SCAPER: variants seen among roughly 807,000 people sequenced by gnomAD.
SCAPER encodes the protein S-phase cyclin A associated protein in the ER.
SCAPER carries 98 observed loss-of-function variants against 182.2 expected under a neutral mutation model. The observed-to-expected ratio is 0.54, with a 90% CI of 0.46 to 0.64. SCAPER has a LOEUF of 0.64. SCAPER is among the 30% of genes least tolerant of loss of function. The pLI is 0.00. For missense variants in SCAPER, 1,432 were observed against 1,690.0 expected, an observed-to-expected ratio of 0.85 and a Z score of 2.68; for synonymous variants, 605 against 564.6, an observed-to-expected ratio of 1.07 and a Z score of -1.01.
In SCAPER at chr15:76,800,325, C is replaced by T. The variant is rs368688194; in HGVS notation, c.534G>A (p.Pro178=). Residue 178 remains proline (P), a synonymous_variant, in exon 7 of 32, where the codon CCG becomes CCA. Transcript: ENST00000563290. ...SLAWEVKKMS[P]GRHVIPSPST... is the part of the protein sequence containing the mutation. ...ATGGACTTGGAATCACATGGCGTCC[C>T]GGAGACATCTTCTTTACTTCCCATG... The T allele has an allele frequency of 5.0e-6, 8 of 1,613,074 alleles. No homozygotes were observed. The highest frequency in any genetic ancestry group is 4.0e-5 in the African/African-American group (3 of 74,958).
chr15:76,469,185 T>C (rs1001712958), intron 25 of SCAPER, among the ~76,000 whole-genome samples: 1 of 152,224 alleles, frequency 6.6e-6, no homozygotes, highest in Non-Finnish European at 1.5e-5. Context: ...TTCTCTTTCA[T>C]TACTTGTTCT....
At chr15:76,568,224 T>TATAC (rs1246463146) in intron 23 of SCAPER, among the ~76,000 whole-genome samples, 15 of 142,846 alleles carry the variant, frequency 1.1e-4, no homozygotes, top group African/African-American at 3.7e-4. Context: ...TATATATATA[T>TATAC]ACAAATGGGA....
Position 76,771,854 on chromosome 15 carries a change from C to T in SCAPER, c.1136G>A (p.Cys379Tyr), listed in dbSNP as rs1171060155. The change falls in exon 10 of 32, where the codon TGT becomes TAT. Residue 379 changes from cysteine to tyrosine, a missense_variant. By Grantham distance (194) the Cys-to-Tyr change is radical. Transcript: ENST00000563290. ...EISAVHIDTE[C>Y]VSVMLQAGTP... is the part of the protein sequence containing the mutation. The stretch of plus-strand genomic sequence containing the variant: ...ACCAGCTTGCAGCATAACTGAAACA[C>T]ACTCTGTATCAATGTGGACAGCAGA... 1 of 1,612,976 alleles carries T rather than the reference C, an allele frequency of 6.2e-7. No homozygotes were observed. Among genetic ancestry groups the T allele is most frequent in the Non-Finnish European group, 8.5e-7 (1 of 1,179,204 alleles).
intron 14 of SCAPER, among the ~76,000 whole-genome samples, chr15:76,758,295 T>C (rs1478613369): frequency 6.6e-6 from 1 of 152,186 alleles, no homozygotes; most frequent in African/African-American, 2.4e-5. Flanking sequence ...TTTCAATCTT[T>C]TTCACGTGGA....
At chr15:76,673,339 T>C (rs1243159836) in intron 20 of SCAPER, among the ~76,000 whole-genome samples, 1 of 152,080 alleles carries the variant, frequency 6.6e-6, no homozygotes, top group Admixed American at 6.5e-5. Context: ...CAGTATATAA[T>C]GCTGGTGTCT....
chr15:76,485,326 A>G (rs1441207344), intron 24 of SCAPER, among the ~76,000 whole-genome samples: 1 of 152,216 alleles, frequency 6.6e-6, no homozygotes, highest in African/African-American at 2.4e-5. Context: ...ACAGCTAACT[A>G]GGGAGGTAAA....
intron 24 of SCAPER, among the ~76,000 whole-genome samples, chr15:76,488,366 A>G (rs2051871234): frequency 6.6e-6 from 1 of 152,182 alleles, no homozygotes; most frequent in Non-Finnish European, 1.5e-5. Flanking sequence ...ACAATACATA[A>G]CAGTTTCATA....
At chr15:76,714,264 T>C (rs1372022900) in intron 17 of SCAPER, among the ~76,000 whole-genome samples, 2 of 152,160 alleles carry the variant, frequency 1.3e-5, no homozygotes, top group Non-Finnish European at 2.9e-5. Context: ...AGTTTCACAA[T>C]GGTTACATAT....
intron 23 of SCAPER, among the ~76,000 whole-genome samples, chr15:76,529,337 T>C (rs553668621): frequency 6.6e-6 from 1 of 152,280 alleles, no homozygotes; most frequent in East Asian, 1.9e-4. Context: ...TGAGCCACCA[T>C]TCCCCGCCAG....
At chr15:76,522,238 A>G (rs1326156721) in intron 23 of SCAPER, among the ~76,000 whole-genome samples, 1 of 152,146 alleles carries the variant, frequency 6.6e-6, no homozygotes, top group African/African-American at 2.4e-5. Context: ...GAGAATAATA[A>G]TTTAGGTCAA....
At chr15:76,421,305 T>G (rs1422909009) in intron 26 of SCAPER, among the ~76,000 whole-genome samples, 1 of 152,238 alleles carries the variant, frequency 6.6e-6, no homozygotes, top group Non-Finnish European at 1.5e-5. Context: ...TTTTTAATGA[T>G]CGCCATTCTA....
intron 26 of SCAPER, among the ~76,000 whole-genome samples, chr15:76,432,783 A>G (rs2046953238): frequency 6.6e-6 from 1 of 152,254 alleles, no homozygotes; most frequent in Non-Finnish European, 1.5e-5. Context: ...GAAAGCATAC[A>G]GGTGTTGGGA....
rs59953874 is a variant in SCAPER, at chr15:76,609,005, G to A, written c.2711+12759C>T. On this transcript the variant is annotated intron_variant, in intron 22 of 31. Transcript: ENST00000563290. ...GCGATGCCTCGCCCTGCTTCGGCTCGCGCACAGTGCGCTGTGCCTACCGTC... is the reference window on the plus strand; with the variant it reads ...GCGATGCCTCGCCCTGCTTCGGCTCACGCACAGTGCGCTGTGCCTACCGTC... 8.5e-3 allele frequency among the ~76,000 whole-genome samples: 1,286 copies of A among 152,152 alleles called. 20 individuals are homozygous for A. Among genetic ancestry groups the A allele is most frequent in the African/African-American group, 0.027 (1,121 of 41,520 alleles).
At chr15:76,489,504 T>C (rs945871177) in intron 24 of SCAPER, among the ~76,000 whole-genome samples, 1 of 151,906 alleles carries the variant, frequency 6.6e-6, no homozygotes, top group Non-Finnish European at 1.5e-5. Flanking sequence ...CTTTAGAATG[T>C]CATATACATG....
chr15:76,815,393 A>G (rs963131528), intron 5 of SCAPER, among the ~76,000 whole-genome samples: 1 of 152,202 alleles, frequency 6.6e-6, no homozygotes, highest in Non-Finnish European at 1.5e-5. Flanking sequence ...GGGTAAAGAA[A>G]TTGTGGTGTA....
intron 26 of SCAPER, among the ~76,000 whole-genome samples, chr15:76,417,249 C>G (rs150684732): frequency 1.3e-5 from 2 of 151,954 alleles, no homozygotes; most frequent in Non-Finnish European, 2.9e-5. Flanking sequence ...AAACTGTACT[C>G]TTCTGTGTTT....
In SCAPER at chr15:76,555,942, T is replaced by C. The variant is rs527746775; in HGVS notation, c.2838+18216A>G. On this transcript the variant is annotated intron_variant, in intron 23 of 31. Coordinates refer to ENST00000563290, the MANE Select transcript of SCAPER (RefSeq NM_020843.4). ...TAACAGAATATACATTCTTCTCATTTGCACATGGTACATACTGGAAAACTG... is the reference window on the plus strand; with the variant it reads ...TAACAGAATATACATTCTTCTCATTCGCACATGGTACATACTGGAAAACTG... 2.0e-5 allele frequency among the ~76,000 whole-genome samples: 3 copies of C among 152,298 alleles called. No individual in the cohort carries two copies. In the East Asian group the frequency reaches 5.8e-4, roughly 29 times the overall value.
At chr15:76,397,762 C>G (rs2044181662) in intron 27 of SCAPER, among the ~76,000 whole-genome samples, 1 of 152,104 alleles carries the variant, frequency 6.6e-6, no homozygotes, top group African/African-American at 2.4e-5. Context: ...CAGGTGTGAG[C>G]CACCGCGCCC....
intron 23 of SCAPER, among the ~76,000 whole-genome samples, chr15:76,538,467 C>T (rs1376143092): frequency 6.6e-6 from 1 of 151,492 alleles, no homozygotes; most frequent in Non-Finnish European, 1.5e-5. Flanking sequence ...ATCGCAAGGA[C>T]AAAAAACCAA....
Sources: allele counts gnomAD v4.1 joint callset (sites outside exome capture counted in the v4.1 genomes callset), GRCh38; gene constraint gnomAD v4.1.1; transcripts MANE v1.5; gene names NCBI Gene and HGNC (gene_info 2026-07-23, HGNC 2026-07-21).